The following PKD2L2 variants were observed in gnomAD, a reference collection of about 807,000 sequenced individuals.
PKD2L2 encodes the protein polycystin-2-like protein 2.
Under a neutral mutation model 83.9 loss-of-function variants are expected in PKD2L2, and 67 were observed. The ratio of observed to expected loss-of-function variants is 0.80; its 90% CI spans 0.66 to 0.98. PKD2L2 has a LOEUF of 0.98. Ranked by LOEUF, PKD2L2 falls within the 50% of genes least tolerant of loss-of-function variation. The pLI is 0.00. For missense variants in PKD2L2, 632 were observed against 717.2 expected, an observed-to-expected ratio of 0.88 and a Z score of 1.36; for synonymous variants, 223 against 237.8, an observed-to-expected ratio of 0.94 and a Z score of 0.57.
chr5:137,935,948 T>A (rs1760298387), intron 13 of PKD2L2, 39 bp downstream of exon 13: 1 of 1,100,416 alleles, frequency 9.1e-7, no homozygotes, highest in African/African-American at 1.6e-5. Flanking sequence ...TGGGATATCA[T>A]GACATGCGCA....
At chr5:137,919,392 C>T (rs1397793432) in intron 8 of PKD2L2, among the ~76,000 whole-genome samples, 2 of 152,270 alleles carry the variant, frequency 1.3e-5, no homozygotes, top group African/African-American at 2.4e-5. Context: ...CAGTTTTTGT[C>T]ATTCTCCCTA....
chr5:137,940,484 AG>A (rs780836172), intron 14 of PKD2L2: 186 of 616,610 alleles, frequency 3.0e-4, no homozygotes, highest in Non-Finnish European at 4.2e-4. Context: ...AAAAAAAAAA[AG>A]GTTATTGAAC....
At chr5:137,905,657 T>C (rs1413399401) in intron 5 of PKD2L2, among the ~76,000 whole-genome samples, 2 of 152,216 alleles carry the variant, frequency 1.3e-5, no homozygotes, top group African/African-American at 4.8e-5. Flanking sequence ...TTTATACTTC[T>C]GTTTGCATAT....
intron 5 of PKD2L2, among the ~76,000 whole-genome samples, chr5:137,902,202 T>C (rs1309245634): frequency 6.6e-6 from 1 of 152,192 alleles, no homozygotes; most frequent in Admixed American, 6.5e-5. Context: ...TTTTGACTTC[T>C]TTTATGACAT....
chr5:137,917,434 G>C (rs1031012426), intron 8 of PKD2L2, among the ~76,000 whole-genome samples: 1 of 152,046 alleles, frequency 6.6e-6, no homozygotes, highest in Admixed American at 6.6e-5. Context: ...AAAGTGCTGG[G>C]ATTACAAGCG....
In PKD2L2 at chr5:137,906,310, C is replaced by G. The variant is rs1580918781; in HGVS notation, c.851C>G (p.Ser284Cys). The change falls in exon 6 of 15, where the codon TCC becomes TGC. Residue 284 changes from serine to cysteine, a missense_variant. By Grantham distance (112) the Ser-to-Cys change is moderately radical. Coordinates refer to ENST00000508883, the MANE Select transcript of PKD2L2 (RefSeq NM_001300921.2). ...AGCTACTATGACTATTTTATTGCTT[C>G]CTGTGAAATCACATTCTGTATTTTT... ...YVSYYDYFIA[S>C]CEITFCIFLF... 2 of 1,607,964 alleles carry G rather than the reference C, an allele frequency of 1.2e-6. No individual in the cohort carries two copies. Among genetic ancestry groups the G allele is most frequent in the Non-Finnish European group, 8.5e-7 (1 of 1,174,556 alleles).
chr5:137,901,917 A>G (rs1045710680), intron 5 of PKD2L2, among the ~76,000 whole-genome samples: 1 of 152,188 alleles, frequency 6.6e-6, no homozygotes, highest in African/African-American at 2.4e-5. Context: ...TACCCGCTGG[A>G]GAAAACTGTT....
intron 7 of PKD2L2, 43 bp from the exon 8 acceptor site, chr5:137,908,722 T>C: frequency 1.1e-6 from 1 of 923,720 alleles, no homozygotes; most frequent in South Asian, 1.7e-5. Flanking sequence ...AGTAATTTCA[T>C]CTTTGATATT....
intron 14 of PKD2L2, chr5:137,940,259 A>T (rs1644200192): frequency 6.2e-7 from 1 of 1,613,950 alleles, no homozygotes; most frequent in Non-Finnish European, 8.5e-7. Context: ...TTTGCTTATA[A>T]GAACTTCAAG....
intron 3 of PKD2L2, among the ~76,000 whole-genome samples, chr5:137,893,259 T>C (rs923692782): frequency 6.6e-6 from 1 of 152,122 alleles, no homozygotes; most frequent in African/African-American, 2.4e-5. Context: ...ACTGTTTATA[T>C]GTGTTACAGT....
At chr5:137,926,785 G>A (rs768935722) in intron 12 of PKD2L2, among the ~76,000 whole-genome samples, 5 of 152,134 alleles carry the variant, frequency 3.3e-5, no homozygotes, top group African/African-American at 4.8e-5. Context: ...ACTTAAATGC[G>A]TAATGTTTTA....
Position 137,900,342 on chromosome 5 carries a change from G to A in PKD2L2, c.746+605G>A, listed in dbSNP as rs937742964. Among the ~76,000 whole-genome samples the A allele has an allele frequency of 3.3e-5, 5 of 152,166 alleles. No individual in the cohort carries two copies. The South Asian group carries it at 1.0e-3, about 32-fold the overall frequency. ...AAAAGTGATCTCTTATAGTTCTCGT[G>A]TGTTTTTTATCGTATTTAGTGCAAT... On this transcript the variant is annotated intron_variant, in intron 5 of 14. Coordinates refer to ENST00000508883, the MANE Select transcript of PKD2L2 (RefSeq NM_001300921.2).
chr5:137,896,835 T>G (rs1394209994), intron 4 of PKD2L2, among the ~76,000 whole-genome samples: 2 of 151,890 alleles, frequency 1.3e-5, no homozygotes, highest in Non-Finnish European at 2.9e-5. Context: ...TTGTCAATCA[T>G]TAGTCAATGT....
chr5:137,909,836 A>C (rs970071169), intron 8 of PKD2L2, among the ~76,000 whole-genome samples: 1 of 152,074 alleles, frequency 6.6e-6, no homozygotes, highest in Non-Finnish European at 1.5e-5. Context: ...ACACCCAGCC[A>C]AAAGAAATCT....
chr5:137,918,238 C>T (rs1758559267), intron 8 of PKD2L2, among the ~76,000 whole-genome samples: 1 of 152,162 alleles, frequency 6.6e-6, no homozygotes, highest in South Asian at 2.1e-4. Flanking sequence ...CTCAGGTTTT[C>T]CTCAGCCTAT....
chr5:137,908,151 A>C (rs1377417111), intron 7 of PKD2L2, among the ~76,000 whole-genome samples: 1 of 151,986 alleles, frequency 6.6e-6, no homozygotes, highest in Non-Finnish European at 1.5e-5. Context: ...AAAAAATATC[A>C]AAAAAATATT....
intron 7 of PKD2L2, 147 bp from the exon 8 acceptor site, chr5:137,908,618 G>T (rs1580925665): frequency 1.9e-6 from 1 of 526,482 alleles, no homozygotes; most frequent in Non-Finnish European, 3.3e-6. Context: ...GTTTGGCCTT[G>T]TAATGATTGC....
intron 5 of PKD2L2, among the ~76,000 whole-genome samples, chr5:137,902,207 T>G (rs951302415): frequency 2.0e-5 from 3 of 152,076 alleles, no homozygotes; most frequent in Non-Finnish European, 4.4e-5. Context: ...ACTTCTTTTA[T>G]GACATGGACC....
chr5:137,917,162 C>CTTTTT (rs34636933), intron 8 of PKD2L2, among the ~76,000 whole-genome samples: 2 of 127,178 alleles, frequency 1.6e-5, no homozygotes, highest in African/African-American at 3.0e-5. Flanking sequence ...GTTCACTTTT[C>CTTTTT]TTTTTTTTTT....
Sources: allele counts gnomAD v4.1 joint callset (sites outside exome capture counted in the v4.1 genomes callset), GRCh38; gene constraint gnomAD v4.1.1; transcripts MANE v1.5; gene names NCBI Gene and HGNC (gene_info 2026-07-23, HGNC 2026-07-21).